WDR70: variants seen among roughly 807,000 people sequenced by gnomAD.
WDR70 encodes the protein WD repeat domain 70.
In WDR70, 53 loss-of-function variants were observed where a neutral mutation model predicts 88.6. The ratio of observed to expected loss-of-function variants is 0.60; its 90% CI spans 0.48 to 0.75. WDR70 has a LOEUF of 0.75. Among genes scored for constraint, WDR70 ranks in the 30% least tolerant of loss-of-function variants. The pLI, the probability that WDR70 is intolerant of heterozygous loss-of-function variation, is 0.00. For synonymous variants in WDR70, 280 were observed against 270.0 expected (o/e 1.04, Z -0.36); for missense variants, 610 against 823.2 (o/e 0.74, Z 3.17).
rs112595440 is a variant in WDR70, at chr5:37,721,195, C to T, written c.1497C>T (p.Tyr499=). The stretch of plus-strand genomic sequence containing the variant: ...GAAATGGATTGGCTAAAGTCTATTA[C>T]GACCCCAACAAGAGTCAGAGGTATT... ...GTGNGLAKVY[Y]DPNKSQRGAK... is the part of the protein sequence containing the mutation. The change falls in exon 14 of 18, where the codon TAC becomes TAT. Residue 499 remains tyrosine (Y), a synonymous_variant. Coordinates refer to ENST00000265107, the MANE Select transcript of WDR70 (RefSeq NM_018034.4). 1.4e-4 allele frequency: 231 copies of T among 1,613,572 alleles called. No individual in the cohort carries two copies. The East Asian group carries it at 3.0e-3, about 21-fold the overall frequency.
At chr5:37,594,123 C>A (rs1195083671) in intron 9 of WDR70, among the ~76,000 whole-genome samples, 1 of 152,174 alleles carries the variant, frequency 6.6e-6, no homozygotes, top group Non-Finnish European at 1.5e-5. Context: ...ATGGTAGTTT[C>A]TTTTGCCGTA....
chr5:37,545,726 G>A (rs1389553807), intron 9 of WDR70, among the ~76,000 whole-genome samples: 1 of 152,004 alleles, frequency 6.6e-6, no homozygotes, highest in Non-Finnish European at 1.5e-5. Flanking sequence ...GTTTCACCAT[G>A]TTGGCCAGGC....
intron 17 of WDR70, among the ~76,000 whole-genome samples, chr5:37,728,437 G>T (rs1748053344): frequency 6.7e-6 from 1 of 149,648 alleles, no homozygotes; most frequent in Non-Finnish European, 1.5e-5. Context: ...TTCTTTCTCT[G>T]TTCCAGGATC....
At chr5:37,449,535 T>C (rs1219471438) in intron 7 of WDR70, among the ~76,000 whole-genome samples, 1 of 148,392 alleles carries the variant, frequency 6.7e-6, no homozygotes, top group African/African-American at 2.5e-5. Flanking sequence ...GAGGTTGCAG[T>C]GAGCTGAGAT....
intron 10 of WDR70, among the ~76,000 whole-genome samples, chr5:37,638,115 G>A (rs1745020032): frequency 6.6e-6 from 1 of 152,078 alleles, no homozygotes; most frequent in Admixed American, 6.6e-5. Flanking sequence ...GCAATTTCGG[G>A]ATCTACTTTC....
intron 10 of WDR70, among the ~76,000 whole-genome samples, chr5:37,690,820 G>C (rs1298771273): frequency 1.3e-5 from 2 of 152,192 alleles, no homozygotes. Context: ...AGAATAACCA[G>C]CTAACATCAT....
chr5:37,736,870 C>T (rs572575428), intron 17 of WDR70, among the ~76,000 whole-genome samples: 2 of 151,614 alleles, frequency 1.3e-5, no homozygotes, highest in Non-Finnish European at 2.9e-5. Flanking sequence ...TTTAATAGTA[C>T]AAAAGTAATT....
At chr5:37,674,990 T>C (rs1436330944) in intron 10 of WDR70, among the ~76,000 whole-genome samples, 3 of 151,240 alleles carry the variant, frequency 2.0e-5, no homozygotes, top group Non-Finnish European at 4.4e-5. Flanking sequence ...CTAGTGATGA[T>C]GAGCATTTTT....
chr5:37,406,982 G>A (rs773078895), intron 5 of WDR70, among the ~76,000 whole-genome samples: 3 of 152,126 alleles, frequency 2.0e-5, no homozygotes, highest in Non-Finnish European at 4.4e-5. Context: ...AGGAACTAAC[G>A]AAAACTGTTA....
At chr5:37,470,555 A>T (rs1739295320) in intron 7 of WDR70, among the ~76,000 whole-genome samples, 1 of 152,162 alleles carries the variant, frequency 6.6e-6, no homozygotes. Context: ...CCTATATTTG[A>T]ATATTACTTA....
intron 5 of WDR70, among the ~76,000 whole-genome samples, chr5:37,414,980 GACTTTT>G (rs1217077049): frequency 6.7e-5 from 10 of 150,222 alleles, no homozygotes; most frequent in African/African-American, 2.5e-4. Flanking sequence ...GAGTGGTGAT[GACTTTT>G]AAGGAGCATG....
chr5:37,503,520 T>C (rs1433829118), intron 8 of WDR70, among the ~76,000 whole-genome samples: 1 of 152,206 alleles, frequency 6.6e-6, no homozygotes, highest in African/African-American at 2.4e-5. Context: ...ACAGGCGGTA[T>C]TTGGTCTTTT....
chr5:37,447,111 T>C (rs1738509229), intron 7 of WDR70, among the ~76,000 whole-genome samples: 1 of 151,810 alleles, frequency 6.6e-6, no homozygotes, highest in Non-Finnish European at 1.5e-5. Flanking sequence ...AACAACCCCA[T>C]CAAAAAGTGG....
intron 9 of WDR70, among the ~76,000 whole-genome samples, chr5:37,570,449 T>A (rs543830861): frequency 6.6e-6 from 1 of 152,218 alleles, no homozygotes; most frequent in East Asian, 1.9e-4. Context: ...TTCTGATAGC[T>A]TTGAGAGTCA....
At chr5:37,460,445 A>G (rs1354342136) in intron 7 of WDR70, among the ~76,000 whole-genome samples, 1 of 38,576 alleles carries the variant, frequency 2.6e-5, no homozygotes, top group African/African-American at 7.1e-5. Context: ...CAAGAACAAA[A>G]AACCAAACAC....
At chr5:37,623,607 C>T (rs895154976) in intron 10 of WDR70, among the ~76,000 whole-genome samples, 1 of 151,960 alleles carries the variant, frequency 6.6e-6, no homozygotes, top group African/African-American at 2.4e-5. Flanking sequence ...AAGTTAATAC[C>T]AGCTATTATG....
At chr5:37,681,087 A>G (rs1746422748) in intron 10 of WDR70, among the ~76,000 whole-genome samples, 1 of 151,768 alleles carries the variant, frequency 6.6e-6, no homozygotes, top group Non-Finnish European at 1.5e-5. Context: ...ATGTTTTTCC[A>G]TTTGTTTGTG....
chr5:37,517,689 T>G (rs554858158), intron 9 of WDR70, among the ~76,000 whole-genome samples: 29 of 149,706 alleles, frequency 1.9e-4, no homozygotes, highest in Admixed American at 3.3e-4. Context: ...TATTTTAATT[T>G]TTGTGAGTAT....
chr5:37,724,370 C>T (rs1747908684), intron 15 of WDR70: 1 of 152,114 alleles, frequency 6.6e-6, no homozygotes. Flanking sequence ...CCATTAAGTC[C>T]CCATGCCAAG....
Sources: gnomAD v4.1 joint callset for allele counts (sites outside exome capture counted in the v4.1 genomes callset) on GRCh38, gnomAD v4.1.1 for gene constraint, MANE v1.5 for transcripts, NCBI Gene and HGNC (gene_info 2026-07-23, HGNC 2026-07-21) for gene names.